Variants in COG5 observed in about 807,000 individuals in gnomAD.
COG5 encodes conserved oligomeric Golgi complex subunit 5.
Under a neutral mutation model 110.4 loss-of-function variants are expected in COG5, and 86 were observed. That is an observed-to-expected ratio of 0.78 (90% CI 0.65 to 0.93). The LOEUF (loss-of-function observed/expected upper bound fraction) is 0.93, where lower values mean the gene tolerates loss of function less well. Among genes scored for constraint, COG5 ranks in the 40% least tolerant of loss-of-function variants. The pLI is 0.00. For synonymous variants in COG5, 360 were observed against 334.6 expected (o/e 1.08, Z -0.83); for missense variants, 1,077 against 987.0 (o/e 1.09, Z -1.22).
At chr7:107,344,400 C>T (rs750752897) in intron 10 of COG5, among the ~76,000 whole-genome samples, 1 of 152,176 alleles carries the variant, frequency 6.6e-6, no homozygotes, top group South Asian at 2.1e-4. Context: ...TCAGCCTTCA[C>T]AGAATTTAAG....
chr7:107,368,162 A>T (rs951109417), intron 8 of COG5, among the ~76,000 whole-genome samples: 1 of 152,024 alleles, frequency 6.6e-6, no homozygotes, highest in African/African-American at 2.4e-5. Context: ...ATTTTTTTTA[A>T]ATCTTTCATT....
intron 5 of COG5, among the ~76,000 whole-genome samples, chr7:107,540,176 G>A (rs1744460355): frequency 6.6e-6 from 1 of 152,128 alleles, no homozygotes. Flanking sequence ...GGAAGCACAG[G>A]AAAAGAAACA....
At chr7:107,467,479 C>G (rs1051865654) in intron 6 of COG5, among the ~76,000 whole-genome samples, 1 of 152,094 alleles carries the variant, frequency 6.6e-6, no homozygotes, top group Admixed American at 6.5e-5. Context: ...TCCTCAACCT[C>G]GCGAGGAGCT....
At chr7:107,295,992 T>C (rs960543545) in intron 12 of COG5, among the ~76,000 whole-genome samples, 7 of 151,994 alleles carry the variant, frequency 4.6e-5, no homozygotes, top group African/African-American at 1.7e-4. Context: ...GGTGTTTCAC[T>C]GTTTTGGCCA....
intron 10 of COG5, 32 bp from the exon 11 acceptor site, chr7:107,324,553 T>TA (rs1370959291): frequency 1.0e-5 from 13 of 1,290,744 alleles, no homozygotes; most frequent in Non-Finnish European, 1.3e-5. Flanking sequence ...TTTTTAAAAA[T>TA]AAAAAAATGC....
intron 7 of COG5, among the ~76,000 whole-genome samples, chr7:107,377,530 C>A (rs545120321): frequency 1.3e-5 from 2 of 152,058 alleles, no homozygotes; most frequent in African/African-American, 4.8e-5. Flanking sequence ...TAAATTTTGG[C>A]TTCTATTGGA....
intron 10 of COG5, among the ~76,000 whole-genome samples, chr7:107,328,206 G>T (rs1373695022): frequency 6.6e-6 from 1 of 152,130 alleles, no homozygotes; most frequent in Non-Finnish European, 1.5e-5. Context: ...TACACAAGCA[G>T]GCTTTATGTG....
At chr7:107,345,222 A>C (rs563831119) in intron 10 of COG5, among the ~76,000 whole-genome samples, 1 of 152,266 alleles carries the variant, frequency 6.6e-6, no homozygotes, top group Admixed American at 6.5e-5. Flanking sequence ...GCCCCAAAAC[A>C]ATACAATAGT....
chr7:107,359,167 G>A (rs1351672517), intron 10 of COG5, among the ~76,000 whole-genome samples: 2 of 152,140 alleles, frequency 1.3e-5, no homozygotes, highest in African/African-American at 2.4e-5. Flanking sequence ...TTGGTGACCT[G>A]GGAAGCCCCC....
chr7:107,545,779 C>CAGAAAAAAA (rs1802373376), intron 5 of COG5, among the ~76,000 whole-genome samples: 1 of 69,852 alleles, frequency 1.4e-5, no homozygotes, highest in Non-Finnish European at 2.6e-5. Context: ...GACTCCATCT[C>CAGAAAAAAA]AAAAAAAAAA....
At chr7:107,258,912 T>C (rs1803097662) in intron 14 of COG5, among the ~76,000 whole-genome samples, 2 of 152,050 alleles carry the variant, frequency 1.3e-5, no homozygotes, top group Non-Finnish European at 1.5e-5. Flanking sequence ...GTATATTTGA[T>C]AGGCATCCTA....
intron 6 of COG5, among the ~76,000 whole-genome samples, chr7:107,511,813 G>C (rs1799537001): frequency 6.6e-6 from 1 of 152,176 alleles, no homozygotes. Context: ...TATCTCAATA[G>C]ATGCAGAAAA....
At chr7:107,357,662 T>TTTCTCTCC (rs1812748670) in intron 10 of COG5, among the ~76,000 whole-genome samples, 2 of 152,104 alleles carry the variant, frequency 1.3e-5, no homozygotes, top group South Asian at 4.1e-4. Context: ...TCTTTCTCTC[T>TTTCTCTCC]TTCTCTCCTT....
At position 107,548,323 on chromosome 7, in the gene COG5, T is replaced by C; in HGVS notation, c.302A>G (p.Gln101Arg). ...TGIESLEGVL[Q>R]MMQTRIGALQ... The stretch of plus-strand genomic sequence containing the variant: ...AGCCCCAATTCTCGTCTGCATCATC[T>C]GAAGAACACCTAGGAAAACATAAGT... Residue 101 changes from glutamine (Q) to arginine (R), a missense_variant, in exon 4 of 22, where the codon CAG becomes CGG. Transcript: ENST00000297135. 1 of 1,613,844 alleles carries C rather than the reference T, an allele frequency of 6.2e-7. No homozygotes were observed. Among genetic ancestry groups the C allele is most frequent in the Non-Finnish European group, 8.5e-7 (1 of 1,179,748 alleles).
intron 10 of COG5, among the ~76,000 whole-genome samples, chr7:107,355,004 T>C (rs553220468): frequency 1.3e-5 from 2 of 152,358 alleles, no homozygotes; most frequent in East Asian, 1.9e-4. Context: ...CTTACTCTTA[T>C]GTAAATTATT....
chr7:107,331,624 T>G (rs1810256517), intron 10 of COG5, among the ~76,000 whole-genome samples: 1 of 151,200 alleles, frequency 6.6e-6, no homozygotes. Flanking sequence ...AGAGTAAGAG[T>G]GGGCAGCAGG....
At chr7:107,277,162 G>A (rs889940278) in intron 14 of COG5, among the ~76,000 whole-genome samples, 2 of 152,110 alleles carry the variant, frequency 1.3e-5, no homozygotes, top group African/African-American at 4.8e-5. Context: ...TGTAGATCTT[G>A]ATATATTGTA....
intron 11 of COG5, among the ~76,000 whole-genome samples, chr7:107,318,051 C>G (rs1373197084): frequency 6.6e-6 from 1 of 151,504 alleles, no homozygotes; most frequent in African/African-American, 2.4e-5. Context: ...TTTTTTGATA[C>G]AGAGGTTCGC....
Position 107,372,836 on chromosome 7 carries a change from T to G in COG5, c.670-76A>C, listed in dbSNP as rs76583802. ...CAAAATCAACATAAATATACAACTT[T>G]AAGCAGGACTTCAGCAGTCCTATCA... On this transcript the variant is annotated intron_variant, in intron 7 of 21. Coordinates refer to ENST00000297135, the MANE Select transcript of COG5 (RefSeq NM_006348.5). The G allele has an allele frequency of 5.7e-3, 8,082 of 1,416,130 alleles. 345 individuals are homozygous for G. The African/African-American group carries it at 0.1, about 17-fold the overall frequency. The allele number at this position is 1,416,130 out of a possible 1,614,324, so 87.7% of individuals were successfully genotyped here. A position where few individuals can be genotyped will look rare whatever the true frequency, so the allele number is the denominator to read the frequency against.
Sources: allele counts gnomAD v4.1 joint callset (sites outside exome capture counted in the v4.1 genomes callset), GRCh38; gene constraint gnomAD v4.1.1; transcripts MANE v1.5; gene names NCBI Gene and HGNC (gene_info 2026-07-23, HGNC 2026-07-21).